The following BLTP1 variants were observed in gnomAD, a reference collection of about 807,000 sequenced individuals.
BLTP1 encodes fragile site-associated protein.
the BLTP1 span, among the ~76,000 whole-genome samples, chr4:122,252,914 CT>C: frequency 2.6e-5 from 4 of 152,196 alleles, no homozygotes; most frequent in African/African-American, 9.6e-5. Flanking sequence ...CACAGGGGTG[CT>C]TGTGTCACTG....
chr4:122,168,654 G>T, the BLTP1 span, among the ~76,000 whole-genome samples: 2 of 151,732 alleles, frequency 1.3e-5, no homozygotes, highest in African/African-American at 4.8e-5. Context: ...ATTTTAAGGT[G>T]CTGACAGGGA....
the BLTP1 span, chr4:122,152,935 G>A: frequency 2.5e-5 from 24 of 945,912 alleles, no homozygotes; most frequent in Non-Finnish European, 3.0e-5. Flanking sequence ...CAGCTGCACT[G>A]GGTTGTAGTA....
chr4:122,320,586 A>T, the BLTP1 span, among the ~76,000 whole-genome samples: 1 of 152,136 alleles, frequency 6.6e-6, no homozygotes, highest in Non-Finnish European at 1.5e-5. Flanking sequence ...CTCTGTCTGA[A>T]ATTAATATAG....
chr4:122,238,445 C>G, the BLTP1 span: 1 of 950,756 alleles, frequency 1.1e-6, no homozygotes, highest in South Asian at 1.6e-5. Flanking sequence ...TCCACTCCCC[C>G]ACTTTAGAAA....
the BLTP1 span, among the ~76,000 whole-genome samples, chr4:122,310,620 G>A: frequency 6.6e-6 from 1 of 152,166 alleles, no homozygotes; most frequent in African/African-American, 2.4e-5. Flanking sequence ...CCTCCACTTT[G>A]GAGATGAGGA....
At chr4:122,291,735 G>A in the BLTP1 span, 1 of 979,662 alleles carries the variant, frequency 1.0e-6, no homozygotes, top group African/African-American at 1.8e-5. Context: ...AATTGGGCCA[G>A]GTATATATTT....
the BLTP1 span, among the ~76,000 whole-genome samples, chr4:122,357,264 A>G: frequency 7.2e-5 from 11 of 152,148 alleles, no homozygotes; most frequent in South Asian, 6.2e-4. Context: ...ATGTTTACCC[A>G]TTAAGAAATG....
the BLTP1 span, among the ~76,000 whole-genome samples, chr4:122,356,306 C>T: frequency 6.6e-6 from 1 of 152,172 alleles, no homozygotes; most frequent in Non-Finnish European, 1.5e-5. Flanking sequence ...ATTTTGAACA[C>T]TGACATGACA....
At chr4:122,153,686 A>G in the BLTP1 span, among the ~76,000 whole-genome samples, 68 of 152,328 alleles carry the variant, frequency 4.5e-4, 2 homozygotes, top group East Asian at 0.01. Flanking sequence ...CTTGCCGGCA[A>G]GGACCCAACA....
chr4:122,213,420 G>A, the BLTP1 span, among the ~76,000 whole-genome samples: 3 of 151,670 alleles, frequency 2.0e-5, no homozygotes, highest in South Asian at 6.2e-4. Context: ...GTTCAAAAAT[G>A]TATATATTAT....
the BLTP1 span, chr4:122,194,672 A>T: frequency 2.2e-6 from 2 of 906,982 alleles, no homozygotes; most frequent in Admixed American, 6.2e-5. Context: ...GTGTGTTTGC[A>T]TTTTTTAGCA....
At chr4:122,292,711 T>A in the BLTP1 span, 3 of 504,098 alleles carry the variant, frequency 6.0e-6, no homozygotes, top group Non-Finnish European at 5.1e-6. Context: ...GATATTTGCC[T>A]GGTTATGAGA....
At chr4:122,287,807 A>C in the BLTP1 span, 2 of 609,508 alleles carry the variant, frequency 3.3e-6, no homozygotes, top group Non-Finnish European at 4.1e-6. Context: ...AGATTCTAAC[A>C]AGTCAAAGAT....
the BLTP1 span, chr4:122,349,512 A>G: frequency 6.2e-7 from 1 of 1,609,650 alleles, no homozygotes. This position sits in a 1 kb window ranked among gnomAD's most constrained non-coding sequence, Gnocchi z 4.5. Flanking sequence ...TATGGGTTCT[A>G]CTGAAGCTCG....
chr4:122,270,902 A>C, the BLTP1 span: 16 of 1,358,534 alleles, frequency 1.2e-5, no homozygotes, highest in Non-Finnish European at 1.6e-5. Flanking sequence ...CTTGCTTAAA[A>C]TTATTTAAGA....
At chr4:122,237,270 A>G in the BLTP1 span, 2 of 985,248 alleles carry the variant, frequency 2.0e-6, no homozygotes, top group African/African-American at 1.7e-5. Flanking sequence ...AGGCAGCTAT[A>G]GAATTCTCTT....
At chr4:122,218,201 C>T in the BLTP1 span, among the ~76,000 whole-genome samples, 204 of 151,802 alleles carry the variant, frequency 1.3e-3, 3 homozygotes, top group African/African-American at 4.6e-3. Context: ...TAATGTTGAT[C>T]GAACTCACTT....
the BLTP1 span, chr4:122,324,581 C>G: frequency 4.7e-6 from 7 of 1,494,496 alleles, no homozygotes; most frequent in Non-Finnish European, 6.4e-6. Flanking sequence ...AAATTGTTGA[C>G]TCTTTTACCA....
the BLTP1 span, chr4:122,279,847 T>C: frequency 5.0e-6 from 8 of 1,614,092 alleles, no homozygotes; most frequent in Admixed American, 1.0e-4. Flanking sequence ...AGACAAACAA[T>C]GCTGCTGTGT....
Sources: gnomAD v4.1 joint callset for allele counts (sites outside exome capture counted in the v4.1 genomes callset) on GRCh38, gnomAD v4.1.1 for gene constraint, Gnocchi (gnomAD v3.1) non-coding constraint, MANE v1.5 for transcripts, NCBI Gene and HGNC (gene_info 2026-07-23, HGNC 2026-07-21) for gene names.